Variants in SLC15A5 observed in about 807,000 individuals in gnomAD.
The protein encoded by SLC15A5 is solute carrier family 15 member 5, also known as Peptide/histidine transporter ENSP00000340402.
A neutral mutation model predicts 56.1 loss-of-function variants in SLC15A5; 58 were observed. That is an observed-to-expected ratio of 1.03 (90% confidence interval 0.84 to 1.29). The LOEUF (loss-of-function observed/expected upper bound fraction) is 1.29. Among genes scored for constraint, SLC15A5 ranks in the 50% most tolerant of loss-of-function variants. The probability of loss-of-function intolerance (pLI) is 0.00; values close to 1 mark genes in which losing one functional copy is unlikely to be tolerated. For synonymous variants in SLC15A5, 264 were observed against 250.5 expected (o/e 1.05, Z -0.51); for missense variants, 681 against 672.1 (o/e 1.01, Z -0.15).
intron 3 of SLC15A5, among the ~76,000 whole-genome samples, chr12:16,250,176 C>CT (rs1270288429): frequency 6.6e-6 from 1 of 152,004 alleles, no homozygotes; most frequent in Non-Finnish European, 1.5e-5. Context: ...TATATTATGT[C>CT]TCAGTTTCTG....
intron 2 of SLC15A5, among the ~76,000 whole-genome samples, chr12:16,260,347 T>C (rs1258094138): frequency 6.6e-6 from 1 of 152,156 alleles, no homozygotes; most frequent in Non-Finnish European, 1.5e-5. Context: ...CAAAAGCCCC[T>C]AGGAAGAGAC....
At position 16,244,703 on chromosome 12, in the gene SLC15A5, TA is replaced by T; in HGVS notation, c.851del (p.Leu284Ter). The T allele has an allele frequency of 6.5e-7, 1 of 1,537,650 alleles. No homozygotes were observed. Among genetic ancestry groups the T allele is most frequent in the Non-Finnish European group, 8.7e-7 (1 of 1,147,012 alleles). On this transcript the variant is annotated frameshift_variant, in exon 4 of 9. Transcript: ENST00000344941. LOFTEE classifies it high-confidence loss of function. ...CHLGRDVTSQ[L>X]DHAKEKNGGC... The stretch of plus-strand genomic sequence containing the variant: ...CACCATTTTTTTCTTTGGCATGGTC[TA>T]ACTGGCTTGTCACGTCTCTGCCAAG...
At chr12:16,192,513 A>G (rs561369488) in intron 8 of SLC15A5, among the ~76,000 whole-genome samples, 6 of 152,190 alleles carry the variant, frequency 3.9e-5, no homozygotes, top group African/African-American at 9.6e-5. Flanking sequence ...TAGTTCCACA[A>G]TCAGAGAGAA....
chr12:16,256,963 A>T (rs1181116382), intron 3 of SLC15A5, among the ~76,000 whole-genome samples: 2 of 144,886 alleles, frequency 1.4e-5, no homozygotes, highest in Non-Finnish European at 3.1e-5. Context: ...GTTTCTGGAC[A>T]TATCTGGCAT....
intron 7 of SLC15A5, among the ~76,000 whole-genome samples, chr12:16,213,884 C>T (rs1300708810): frequency 6.6e-6 from 1 of 152,088 alleles, no homozygotes; most frequent in Non-Finnish European, 1.5e-5. Context: ...GTTTCTCTAC[C>T]TTTGTACTGT....
chr12:16,249,790 A>G (rs1018403460), intron 3 of SLC15A5, among the ~76,000 whole-genome samples: 2 of 152,082 alleles, frequency 1.3e-5, no homozygotes, highest in African/African-American at 4.8e-5. Flanking sequence ...ATATGAATAT[A>G]TGTATACATA....
chr12:16,210,204 T>A (rs1420815864), intron 7 of SLC15A5, among the ~76,000 whole-genome samples: 1 of 152,198 alleles, frequency 6.6e-6, no homozygotes, highest in Non-Finnish European at 1.5e-5. Context: ...CTTTCTAGTT[T>A]CAGCTTCAAT....
intron 7 of SLC15A5, 110 bp from the exon 8 acceptor site, chr12:16,194,563 AG>A: frequency 1.6e-6 from 1 of 621,296 alleles, no homozygotes; most frequent in Non-Finnish European, 2.6e-6. Context: ...ATATCCACAA[AG>A]CAAAAAAGCT....
At chr12:16,227,693 C>T (rs1207307411) in intron 5 of SLC15A5, among the ~76,000 whole-genome samples, 1 of 152,066 alleles carries the variant, frequency 6.6e-6, no homozygotes, top group Non-Finnish European at 1.5e-5. Context: ...GCATTTAATA[C>T]ACTTTTAAGA....
At chr12:16,227,010 G>C (rs905787828) in intron 5 of SLC15A5, among the ~76,000 whole-genome samples, 2 of 152,078 alleles carry the variant, frequency 1.3e-5, no homozygotes, top group African/African-American at 4.8e-5. Context: ...GGTTGATAGA[G>C]AAACTGGTAG....
Position 16,235,629 on chromosome 12 carries a change from A to T in SLC15A5, c.1162+4052T>A, listed in dbSNP as rs986684347. Among the ~76,000 whole-genome samples, 21 of 152,120 alleles carry T rather than the reference A, an allele frequency of 1.4e-4. No homozygotes were observed. The highest frequency in any genetic ancestry group is 5.1e-4 in the African/African-American group (21 of 41,458). ...CGAATGAATGACTTATTCAGGCTAGATGTTTACAATTCATGGTTTACTTCT... is the reference window on the plus strand; with the variant it reads ...CGAATGAATGACTTATTCAGGCTAGTTGTTTACAATTCATGGTTTACTTCT... On this transcript the variant is annotated intron_variant, in intron 5 of 8. Coordinates refer to ENST00000344941, the MANE Select transcript of SLC15A5 (RefSeq NM_001170798.1). This position sits in a 1 kb window ranked among gnomAD's most constrained non-coding sequence, Gnocchi z 4.1.
intron 5 of SLC15A5, among the ~76,000 whole-genome samples, chr12:16,225,082 AT>A (rs1238418206): frequency 6.6e-6 from 1 of 152,148 alleles, no homozygotes; most frequent in Non-Finnish European, 1.5e-5. Context: ...GCTGCATAGT[AT>A]TCCATGGTGT....
At chr12:16,202,951 A>C (rs2136240554) in intron 7 of SLC15A5, among the ~76,000 whole-genome samples, 1 of 152,232 alleles carries the variant, frequency 6.6e-6, no homozygotes, top group East Asian at 1.9e-4. Flanking sequence ...TGGTATTACC[A>C]AAGGCTGAAG....
chr12:16,246,924 A>T (rs1215924246), intron 3 of SLC15A5, among the ~76,000 whole-genome samples: 1 of 152,150 alleles, frequency 6.6e-6, no homozygotes. Flanking sequence ...TTTTTAAAAA[A>T]ATATCTCAAC....
At chr12:16,206,263 G>A (rs1624759) in intron 7 of SLC15A5, among the ~76,000 whole-genome samples, 109,607 of 152,020 alleles carry the variant, frequency 0.72, 39,868 homozygotes, top group East Asian at 0.99. Flanking sequence ...TGGGGCTACA[G>A]AAATCTACCT....
intron 3 of SLC15A5, among the ~76,000 whole-genome samples, chr12:16,254,305 C>T: frequency 6.6e-6 from 1 of 152,096 alleles, no homozygotes; most frequent in Non-Finnish European, 1.5e-5. Flanking sequence ...AGTAGAAAAG[C>T]ATTTACCAAG....
At chr12:16,227,047 T>A (rs993919388) in intron 5 of SLC15A5, among the ~76,000 whole-genome samples, 1 of 152,186 alleles carries the variant, frequency 6.6e-6, no homozygotes, top group African/African-American at 2.4e-5. Flanking sequence ...TATCTCAGAA[T>A]TTAAATATAT....
intron 7 of SLC15A5, among the ~76,000 whole-genome samples, chr12:16,204,136 A>G (rs1427610280): frequency 6.6e-6 from 1 of 152,122 alleles, no homozygotes; most frequent in Non-Finnish European, 1.5e-5. Context: ...TTAACTTACA[A>G]GTTTTACTCA....
At chr12:16,210,831 A>G (rs1864073043) in intron 7 of SLC15A5, among the ~76,000 whole-genome samples, 1 of 152,234 alleles carries the variant, frequency 6.6e-6, no homozygotes, top group African/African-American at 2.4e-5. Flanking sequence ...TGATGCTATT[A>G]TAAACTCAAA....
Sources: gnomAD v4.1 joint callset for allele counts (sites outside exome capture counted in the v4.1 genomes callset) on GRCh38, gnomAD v4.1.1 for gene constraint, Gnocchi (gnomAD v3.1) non-coding constraint, MANE v1.5 for transcripts, NCBI Gene and HGNC (gene_info 2026-07-23, HGNC 2026-07-21) for gene names.